HOXA10: variants seen among roughly 807,000 people sequenced by gnomAD.
The protein encoded by HOXA10 is homeobox A10.
Under a neutral mutation model 29.7 loss-of-function variants are expected in HOXA10, and 12 were observed. The ratio of observed to expected loss-of-function variants is 0.40; its 90% CI spans 0.26 to 0.65. The LOEUF is 0.65. Ranked by LOEUF, HOXA10 falls within the 30% of genes least tolerant of loss-of-function variation. The pLI is 0.37. For synonymous variants in HOXA10, 327 were observed against 280.7 expected (o/e 1.16, Z -1.65); for missense variants, 656 against 585.9 (o/e 1.12, Z -1.24).
chr7:27,176,090 C>T (rs917824125), upstream of HOXA10, among the ~76,000 whole-genome samples: 1 of 152,160 alleles, frequency 6.6e-6, no homozygotes, highest in Admixed American at 6.5e-5. Context: ...CACGGTGACC[C>T]GGCCGTAAGG....
At chr7:27,179,743 T>C in exon 1 of HOXA10, 2 of 735,488 alleles carry the variant, frequency 2.7e-6, no homozygotes. Flanking sequence ...TAAATTACCA[T>C]ACCAATCACT....
At position 27,173,591 on chromosome 7, in the gene HOXA10, C is replaced by A. The variant is rs969232067; in HGVS notation, c.716G>T (p.Gly239Val). Residue 239 changes from glycine (G) to valine (V), a missense_variant, in exon 1 of 2, where the codon GGC becomes GTC. Around this residue, in one of 2 missense-constraint regions of HOXA10, gnomAD observed 594 missense variants for 491.9 expected, o/e 1.21. Transcript: ENST00000283921. ...CCCCGGGGGCTGCGCGGGGAACGGG[C>A]CAGCCCCGAGTTGCTGCGCGCCGCC... ...GGGGAQQLGA[G>V]PFPAQPPGRG... 2 of 1,524,082 alleles carry A rather than the reference C, an allele frequency of 1.3e-6. No individual in the cohort carries two copies. The highest frequency in any genetic ancestry group is 2.8e-5 in the African/African-American group (2 of 70,274). 94.4% of individuals were successfully genotyped at this position (1,524,082 alleles called of 1,614,324 possible). A position where few individuals can be genotyped will look rare whatever the true frequency, so the allele number is the denominator to read the frequency against.
chr7:27,173,284 ATCCTTCTCC>A, intron 1 of HOXA10, 56 bp downstream of exon 1: 1 of 1,601,608 alleles, frequency 6.2e-7, no homozygotes, highest in Non-Finnish European at 8.5e-7. Context: ...TAGTTTTCTG[ATCCTTCTCC>A]TCCTTGTGTC....
At chr7:27,178,200 G>T (rs1384051790), upstream of HOXA10, among the ~76,000 whole-genome samples, 1 of 152,130 alleles carries the variant, frequency 6.6e-6, no homozygotes, top group Non-Finnish European at 1.5e-5. Flanking sequence ...CAGTCCCACA[G>T]AGGAAAAATA....
Position 27,174,001 on chromosome 7 carries a change from AC to A in HOXA10, c.305del (p.Gly102ValfsTer2). 1 of 1,526,672 alleles carries A rather than the reference AC, an allele frequency of 6.6e-7. No homozygotes were observed. The highest frequency in any genetic ancestry group is 1.4e-5 in the African/African-American group (1 of 70,862). 94.6% of individuals were successfully genotyped at this position (1,526,672 alleles called of 1,614,324 possible). On this transcript the variant is annotated frameshift_variant, in exon 1 of 2. Transcript: ENST00000283921. LOFTEE classifies it high-confidence loss of function. ...ASPGSGGGGG[G>X]LGPGAHGYGP... Reference sequence around the variant, plus strand: ...CGTAGCCGTGCGCCCCGGGACCTAGACCCCCGCCACCGCCACCGCTGCCCGG... The same window carrying A: ...CGTAGCCGTGCGCCCCGGGACCTAGACCCCGCCACCGCCACCGCTGCCCGG...
At chr7:27,178,222 T>C (rs1271001106), upstream of HOXA10, among the ~76,000 whole-genome samples, 3 of 152,246 alleles carry the variant, frequency 2.0e-5, 1 homozygote, top group East Asian at 5.8e-4. Context: ...AGGCTGCTTT[T>C]ACATATCTGG....
Position 27,173,876 on chromosome 7 carries a change from GGGGGCGGCGGCTGCTGCT to G in HOXA10, c.413_430del (p.Gln138_Pro143del), listed in dbSNP as rs781375906. Reference sequence around the variant, plus strand: ...CGGCGCTGGCTGGGGTGGTTGCGGCGGGGGCGGCGGCTGCTGCTGGGGCGGCGGCGGCGGCCCGTCAGG... The same window carrying G: ...CGGCGCTGGCTGGGGTGGTTGCGGCGGGGGCGGCGGCGGCGGCCCGTCAGG... On this transcript the variant is annotated inframe_deletion, in exon 1 of 2. Transcript: ENST00000283921. 1.1e-3 allele frequency: 1,673 copies of G among 1,582,538 alleles called. 3 individuals carry two copies. The highest frequency in any genetic ancestry group is 2.4e-3 in the Middle Eastern group (14 of 5,838).
chr7:27,175,358 C>T (rs923459709), upstream of HOXA10, among the ~76,000 whole-genome samples: 2 of 152,220 alleles, frequency 1.3e-5, no homozygotes, highest in African/African-American at 4.8e-5. Flanking sequence ...GAGGCTACAA[C>T]AAGAACCAGT....
chr7:27,175,570 G>A (rs1027356848), upstream of HOXA10, among the ~76,000 whole-genome samples: 5 of 152,210 alleles, frequency 3.3e-5, no homozygotes, highest in Non-Finnish European at 7.3e-5. Flanking sequence ...AGGCTCAGGG[G>A]CTCTGTTTTA....
chr7:27,178,458 C>A (rs1195922722), upstream of HOXA10, among the ~76,000 whole-genome samples: 1 of 152,208 alleles, frequency 6.6e-6, no homozygotes, highest in Admixed American at 6.5e-5. Context: ...ATGGCCCTTC[C>A]CCTGTTAGGG....
At position 27,174,102 on chromosome 7, in the gene HOXA10, C is replaced by A; in HGVS notation, c.205G>T (p.Ala69Ser). 1 of 1,570,358 alleles carries A rather than the reference C, an allele frequency of 6.4e-7. No homozygotes were observed. The highest frequency in any genetic ancestry group is 2.3e-5 in the East Asian group (1 of 43,702). Residue 69 changes from alanine to serine, a missense_variant, in exon 1 of 2, where the codon GCC becomes TCC. By Grantham distance (99) the Ala-to-Ser change is moderately conservative. Transcript: ENST00000283921. ...AHGGVYLPPAADLPYGLQSCG... is the reference protein window; with the variant it reads ...AHGGVYLPPASDLPYGLQSCG... Reference sequence around the variant, plus strand: ...CTCTGCAGCCCGTAGGGCAGGTCGGCGGCGGGCGGCAGGTAGACCCCGCCG... The same window carrying A: ...CTCTGCAGCCCGTAGGGCAGGTCGGAGGCGGGCGGCAGGTAGACCCCGCCG...
intron 1 of HOXA10, chr7:27,173,066 G>A: frequency 1.9e-6 from 1 of 513,618 alleles, no homozygotes. Flanking sequence ...CCGGCCACAG[G>A]AAAGAGCGCA....
chr7:27,170,843 C>G lies in HOXA10; in HGVS notation c.*1056G>C, dbSNP rs988606947. On this transcript the variant is annotated 3_prime_UTR_variant, in exon 2 of 2. Coordinates refer to ENST00000283921, the MANE Select transcript of HOXA10 (RefSeq NM_018951.4). The stretch of plus-strand genomic sequence containing the variant: ...CTTTTTCTGCATCTACAGGTTTGAC[C>G]CTTTTATGCATGTAACTTCACAGTA... 9 of 454,020 alleles carry G rather than the reference C, an allele frequency of 2.0e-5. No homozygotes were observed. The highest frequency in any genetic ancestry group is 4.7e-5 in the Admixed American group (2 of 42,520). The allele number at this position is 454,020 out of a possible 1,614,324, so 28.1% of individuals were successfully genotyped here. A position where few individuals can be genotyped will look rare whatever the true frequency, so the allele number is the denominator to read the frequency against.
chr7:27,177,589 C>A (rs1783676879), upstream of HOXA10, among the ~76,000 whole-genome samples: 6 of 152,208 alleles, frequency 3.9e-5, no homozygotes, highest in Admixed American at 3.9e-4. Flanking sequence ...GGCTCCCATG[C>A]TCTCTAGACT....
rs756665289 is a variant in HOXA10 at position 27,174,120 on chromosome 7, C to T, written c.187G>A (p.Val63Ile). Residue 63 changes from valine to isoleucine, a missense_variant, in exon 1 of 2, where the codon GTC (valine) becomes ATC (isoleucine). By Grantham distance (29) the Val-to-Ile change is conservative. This residue lies in a region of HOXA10 where 594 missense variants were observed against 491.9 expected (regional missense o/e 1.21). Transcript: ENST00000283921. ...GGGGYYAHGG[V>I]YLPPAADLPY... ...AGGTCGGCGGCGGGCGGCAGGTAGA[C>T]CCCGCCGTGGGCGTAGTAACCGCCA... The T allele has an allele frequency of 3.2e-6, 5 of 1,587,094 alleles. No homozygotes were observed. In the South Asian group the frequency reaches 4.4e-5, roughly 14 times the overall value.
At position 27,174,205 on chromosome 7, in the gene HOXA10, G is replaced by A. The variant is rs769808963; in HGVS notation, c.102C>T (p.Leu34=). ...CTGCCTCGCCTCTGCCCGAGCTGAT[G>A]AGCGAGTCGACCAAAAAAGAGTTCG... ...PAANSFLVDS[L]ISSGRGEAGG... The change falls in exon 1 of 2, where the codon CTC becomes CTT. Residue 34 remains leucine, a synonymous_variant. Transcript: ENST00000283921. 62 of 1,601,036 alleles carry A rather than the reference G, an allele frequency of 3.9e-5. 1 individual carries two copies. In the South Asian group the frequency reaches 6.8e-4, roughly 18 times the overall value.
At chr7:27,178,206 A>T (rs2115456794), upstream of HOXA10, among the ~76,000 whole-genome samples, 1 of 152,374 alleles carries the variant, frequency 6.6e-6, no homozygotes, top group African/African-American at 2.4e-5. Flanking sequence ...CACAGAGGAA[A>T]AATAAAGGCT....
Position 27,174,054 on chromosome 7 carries a change from C to A in HOXA10, c.253G>T (p.Gly85Cys). Residue 85 changes from glycine to cysteine, a missense_variant, in exon 1 of 2, where the codon GGC becomes TGC. Coordinates refer to ENST00000283921, the MANE Select transcript of HOXA10 (RefSeq NM_018951.4). ...GACGCTGCCTCATTGCGCTTGCCGCCCAGCGTGGGGAAGAGCCCGCAGCTC... is the reference window on the plus strand; with the variant it reads ...GACGCTGCCTCATTGCGCTTGCCGCACAGCGTGGGGAAGAGCCCGCAGCTC... ...LQSCGLFPTL[G>C]GKRNEAASPG... is the part of the protein sequence containing the mutation. 1 of 1,545,200 alleles carries A rather than the reference C, an allele frequency of 6.5e-7. No homozygotes were observed. The highest frequency in any genetic ancestry group is 8.7e-7 in the Non-Finnish European group (1 of 1,152,174).
chr7:27,173,513 C>T lies in HOXA10; in HGVS notation c.794G>A (p.Arg265Gln), dbSNP rs760879984. 3 of 1,469,684 alleles carry T rather than the reference C, an allele frequency of 2.0e-6. No individual in the cohort carries two copies. The highest frequency in any genetic ancestry group is 2.6e-5 in the Admixed American group (1 of 38,372). The allele number at this position is 1,469,684 out of a possible 1,614,324, so 91.0% of individuals were successfully genotyped here. A position where few individuals can be genotyped will look rare whatever the true frequency, so the allele number is the denominator to read the frequency against. ...ALASGSADAA[R>Q]KERALDSPPP... ...CGGCGAATCGAGGGCTCGCTCCTTC[C>T]GGGCCGCATCGGCCGAGCCGGAGGC... The change falls in exon 1 of 2, where the codon CGG becomes CAG. Residue 265 changes from arginine (R) to glutamine (Q), a missense_variant. Arg to Gln is a conservative substitution (Grantham distance 43, BLOSUM62 1). Transcript: ENST00000283921.
Sources: gnomAD v4.1 joint callset for allele counts (sites outside exome capture counted in the v4.1 genomes callset) on GRCh38, gnomAD v4.1.1 for gene constraint, gnomAD v4.1.1 regional missense constraint, MANE v1.5 for transcripts, NCBI Gene and HGNC (gene_info 2026-07-23, HGNC 2026-07-21) for gene names.